Variants in GAS2 observed in about 807,000 individuals in gnomAD.
The protein encoded by GAS2 is growth arrest specific 2, also known as growth arrest-specific protein 2.
Under a neutral mutation model 37.5 loss-of-function variants are expected in GAS2, and 20 were observed. The ratio of observed to expected loss-of-function variants is 0.53; its 90% CI spans 0.37 to 0.77. The LOEUF is 0.77. GAS2 is among the 30% of genes least tolerant of loss of function. The probability of loss-of-function intolerance (pLI) is 0.00; values close to 1 mark genes in which losing one functional copy is unlikely to be tolerated. For synonymous variants in GAS2, 144 were observed against 132.2 expected (o/e 1.09, Z -0.61); for missense variants, 336 against 373.4 (o/e 0.90, Z 0.82).
rs540625122 is a variant in GAS2, at chr11:22,772,630, T to C, written c.723+16677T>C. On this transcript the variant is annotated intron_variant, in intron 7 of 7. Transcript: ENST00000454584. The stretch of plus-strand genomic sequence containing the variant: ...GAGGTTTGTAATGGAGTTTGTGTGA[T>C]AGTTTTTTGAAGGCAGTTCAGGTCT... 2.3e-4 allele frequency among the ~76,000 whole-genome samples: 35 copies of C among 152,142 alleles called. 1 individual carries two copies. Among genetic ancestry groups the C allele is most frequent in the Admixed American group, 1.7e-3 (26 of 15,270 alleles).
intron 2 of GAS2, among the ~76,000 whole-genome samples, chr11:22,682,073 A>T (rs1242635768): frequency 2.0e-5 from 3 of 152,028 alleles, no homozygotes; most frequent in African/African-American, 4.8e-5. Flanking sequence ...ACTATAAAGT[A>T]TGTAATAGTC....
intron 2 of GAS2, 29 bp from the exon 3 acceptor site, chr11:22,685,639 T>C (rs1849902920): frequency 6.2e-7 from 1 of 1,602,210 alleles, no homozygotes; most frequent in Middle Eastern, 1.7e-4. Context: ...TTGATTTTCC[T>C]TTTATAATGC....
At chr11:22,683,639 C>T (rs1310817355) in intron 2 of GAS2, among the ~76,000 whole-genome samples, 1 of 148,896 alleles carries the variant, frequency 6.7e-6, no homozygotes, top group Non-Finnish European at 1.5e-5. Context: ...CCTTGAGCAT[C>T]TTGGTATAAA....
intron 7 of GAS2, among the ~76,000 whole-genome samples, chr11:22,810,696 G>T (rs1280036524): frequency 6.6e-6 from 1 of 152,128 alleles, no homozygotes; most frequent in Non-Finnish European, 1.5e-5. Context: ...TACACATGGA[G>T]AAATTTTAGA....
At chr11:22,711,491 GA>G (rs942783113) in intron 3 of GAS2, among the ~76,000 whole-genome samples, 10 of 152,308 alleles carry the variant, frequency 6.6e-5, no homozygotes, top group Admixed American at 5.2e-4. Flanking sequence ...GAATCAGGGG[GA>G]GACGGGGAAA....
intron 6 of GAS2, among the ~76,000 whole-genome samples, chr11:22,752,192 G>C (rs1182755170): frequency 6.6e-6 from 1 of 151,974 alleles, no homozygotes; most frequent in Non-Finnish European, 1.5e-5. Flanking sequence ...AGAGTCTGGT[G>C]ATAAACTTTG....
chr11:22,741,205 A>T (rs1290921519), intron 5 of GAS2, among the ~76,000 whole-genome samples: 6 of 152,158 alleles, frequency 3.9e-5, no homozygotes, highest in Non-Finnish European at 8.8e-5. Flanking sequence ...GGTAAAACTT[A>T]CTTTTATTTT....
intron 3 of GAS2, among the ~76,000 whole-genome samples, chr11:22,719,930 A>T (rs1043938191): frequency 2.6e-5 from 4 of 152,070 alleles, no homozygotes; most frequent in Admixed American, 1.3e-4. Flanking sequence ...TTTTTAGTAG[A>T]TATGTTTTCA....
At chr11:22,805,421 A>G (rs569064856) in intron 7 of GAS2, among the ~76,000 whole-genome samples, 2 of 152,262 alleles carry the variant, frequency 1.3e-5, no homozygotes, top group African/African-American at 4.8e-5. Flanking sequence ...GAAGAATACA[A>G]TATATCATTC....
At chr11:22,748,690 G>C (rs753002805) in intron 5 of GAS2, among the ~76,000 whole-genome samples, 23 of 151,944 alleles carry the variant, frequency 1.5e-4, no homozygotes, top group Non-Finnish European at 3.2e-4. Context: ...TTATTTCTGG[G>C]GATTGCTGTT....
chr11:22,749,243 A>G lies in GAS2; in HGVS notation c.597A>G (p.Gly199=), dbSNP rs1412384176. The stretch of plus-strand genomic sequence containing the variant: ...AGTCTTCTGGAAAAAAGAGTACAGG[A>G]AACTTACTGGATGATGCAGTAAGTA... The part of the protein sequence containing the change: ...SSKSSGKKST[G]NLLDDAVKRI... Residue 199 remains glycine, a synonymous_variant, in exon 6 of 8, where the codon GGA becomes GGG. Coordinates refer to ENST00000454584, the MANE Select transcript of GAS2 (RefSeq NM_001143830.3). 6 of 1,611,924 alleles carry G rather than the reference A, an allele frequency of 3.7e-6. No individual in the cohort carries two copies. The highest frequency in any genetic ancestry group is 3.4e-5 in the Admixed American group (2 of 59,690).
intron 5 of GAS2, among the ~76,000 whole-genome samples, chr11:22,742,456 C>T (rs909329446): frequency 6.6e-6 from 1 of 152,062 alleles, no homozygotes; most frequent in Non-Finnish European, 1.5e-5. Flanking sequence ...CAGGTGCAAG[C>T]CCCCAACCCA....
intron 7 of GAS2, among the ~76,000 whole-genome samples, chr11:22,789,827 TAG>T (rs1373739180): frequency 6.6e-6 from 1 of 152,010 alleles, no homozygotes; most frequent in Admixed American, 6.6e-5. Context: ...TCTCTCTATA[TAG>T]AGAGATATAC....
intron 7 of GAS2, among the ~76,000 whole-genome samples, chr11:22,779,870 T>G (rs1253168800): frequency 2.6e-5 from 4 of 152,178 alleles, no homozygotes; most frequent in Non-Finnish European, 5.9e-5. Flanking sequence ...CCTCCCCAAA[T>G]TAGGCCACTG....
At chr11:22,689,455 A>T (rs1024420792) in intron 3 of GAS2, among the ~76,000 whole-genome samples, 2 of 152,104 alleles carry the variant, frequency 1.3e-5, no homozygotes, top group African/African-American at 4.8e-5. Flanking sequence ...ATCAATAATA[A>T]CTTGTGCCTT....
intron 6 of GAS2, among the ~76,000 whole-genome samples, chr11:22,754,976 T>G (rs1853946071): frequency 6.6e-6 from 1 of 152,140 alleles, no homozygotes; most frequent in South Asian, 2.1e-4. Context: ...AGGAGATTAT[T>G]GTTTTGGGTT....
chr11:22,652,396 G>T (rs1848789552), intron 1 of GAS2, among the ~76,000 whole-genome samples: 1 of 152,234 alleles, frequency 6.6e-6, no homozygotes, highest in Non-Finnish European at 1.5e-5. Flanking sequence ...CCTGCCCCCA[G>T]AGGTGGAGCC....
At chr11:22,692,011 A>G (rs1037800488) in intron 3 of GAS2, among the ~76,000 whole-genome samples, 2 of 152,048 alleles carry the variant, frequency 1.3e-5, no homozygotes, top group Non-Finnish European at 2.9e-5. Flanking sequence ...TATCTTCCAG[A>G]GATATGCCTA....
chr11:22,660,400 A>G (rs911310557), intron 1 of GAS2, among the ~76,000 whole-genome samples: 1 of 152,246 alleles, frequency 6.6e-6, no homozygotes, highest in Non-Finnish European at 1.5e-5. Context: ...TCACTTAACA[A>G]TAACATACCT....
Sources: gnomAD v4.1 joint callset for allele counts (sites outside exome capture counted in the v4.1 genomes callset) on GRCh38, gnomAD v4.1.1 for gene constraint, MANE v1.5 for transcripts, NCBI Gene and HGNC (gene_info 2026-07-23, HGNC 2026-07-21) for gene names.